MDM2: variants seen among roughly 807,000 people sequenced by gnomAD.
The protein encoded by MDM2 is E3 ubiquitin-protein ligase Mdm2.
Under a neutral mutation model 64.3 loss-of-function variants are expected in MDM2, and 11 were observed. The observed-to-expected ratio is 0.17, with a 90% CI of 0.11 to 0.28. The LOEUF is 0.28. MDM2 is among the 10% of genes least tolerant of loss of function. The pLI, the probability that MDM2 is intolerant of heterozygous loss-of-function variation, is 1.00. For missense variants in MDM2, 388 were observed against 577.1 expected (o/e 0.67, Z 3.36); for synonymous variants, 194 against 192.9 (o/e 1.01, Z -0.05).
chr12:68,841,549 T>C lies in MDM2; in HGVS notation c.*1700T>C. The C allele has an allele frequency of 9.6e-6, 2 of 208,520 alleles. No homozygotes were observed. The highest frequency in any genetic ancestry group is 1.5e-3 in the Middle Eastern group (1 of 650). The allele number at this position is 208,520 out of a possible 1,614,324, so 12.9% of individuals were successfully genotyped here. On this transcript the variant is annotated 3_prime_UTR_variant, in exon 11 of 11. Coordinates refer to ENST00000258149, the MANE Select transcript of MDM2 (RefSeq NM_002392.6). ...GTCTAACCTAGATTACATCAGGCCC[T>C]TTTTCACACACAAAAAAATCCTTTA...
At chr12:68,833,318 A>ATAAATATATATAT in intron 8 of MDM2, among the ~76,000 whole-genome samples, 1 of 95,982 alleles carries the variant, frequency 1.0e-5, no homozygotes, top group Non-Finnish European at 2.2e-5. Flanking sequence ...TAAAAATATA[A>ATAAATATATATAT]TTATATAAAT....
intron 3 of MDM2, among the ~76,000 whole-genome samples, chr12:68,814,219 A>AT (rs1353462933): frequency 2.0e-5 from 3 of 151,894 alleles, no homozygotes; most frequent in Non-Finnish European, 4.4e-5. Flanking sequence ...CGCCTGGCTA[A>AT]TTTTTTGTCT....
At chr12:68,808,560 C>A (rs1219250569) in intron 1 of MDM2, 69 bp downstream of exon 1, 3 of 1,606,350 alleles carry the variant, frequency 1.9e-6, no homozygotes, top group Non-Finnish European at 2.6e-6. Flanking sequence ...ATCGCTGGTT[C>A]CCAGCCTCTG....
chr12:68,835,941 G>A lies in MDM2; in HGVS notation c.797G>A (p.Ser266Asn). Residue 266 changes from serine (S) to asparagine (N), a missense_variant, in exon 9 of 11, where the codon AGC becomes AAC. Coordinates refer to ENST00000258149, the MANE Select transcript of MDM2 (RefSeq NM_002392.6). ...GAATCTCTCGACTCAGAAGATTATA[G>A]CCTTAGTGAAGAAGGACAAGAACTC... Reference protein sequence around the residue: ...EVESLDSEDYSLSEEGQELSD... With the variant: ...EVESLDSEDYNLSEEGQELSD... 1 of 1,612,104 alleles carries A rather than the reference G, an allele frequency of 6.2e-7. No individual in the cohort carries two copies. Among genetic ancestry groups the A allele is most frequent in the Non-Finnish European group, 8.5e-7 (1 of 1,178,806 alleles).
intron 3 of MDM2, 47 bp downstream of exon 3, chr12:68,813,675 C>A: frequency 7.2e-7 from 1 of 1,397,072 alleles, no homozygotes; most frequent in Non-Finnish European, 1.0e-6. Flanking sequence ...TTACATGTAG[C>A]CATACTTAAA....
chr12:68,820,919 A>G (rs897620558), intron 5 of MDM2, among the ~76,000 whole-genome samples: 3 of 152,180 alleles, frequency 2.0e-5, no homozygotes, highest in African/African-American at 4.8e-5. Context: ...GGGTAAGTCA[A>G]TAAGTGTTTT....
downstream of MDM2, chr12:68,850,342 G>A (rs935565879): frequency 1.3e-5 from 2 of 151,594 alleles, no homozygotes; most frequent in African/African-American, 4.8e-5. Flanking sequence ...AATATACCAG[G>A]GAACTTCTGC....
intron 9 of MDM2, 33 bp from the exon 10 acceptor site, chr12:68,836,639 G>A (rs767426126): frequency 1.6e-5 from 23 of 1,454,406 alleles, no homozygotes; most frequent in East Asian, 4.6e-5. Context: ...GAAATAGGGC[G>A]ATGAATTGAT....
chr12:68,809,727 G>A (rs1459550162), intron 2 of MDM2, among the ~76,000 whole-genome samples: 4 of 152,116 alleles, frequency 2.6e-5, no homozygotes, highest in African/African-American at 7.2e-5. Context: ...GATTTTTTGT[G>A]TGCGTACCCA....
downstream of MDM2, chr12:68,845,736 G>C (rs1884241185): frequency 1.2e-5 from 2 of 162,966 alleles, no homozygotes; most frequent in Non-Finnish European, 2.7e-5. Context: ...TATAAAAATA[G>C]CATCTTTCCT....
In MDM2 at chr12:68,839,469, A is replaced by T. The variant is rs562818818; in HGVS notation, c.1114A>T (p.Ile372Leu). ...TGATGTTCCTGATTGTAAAAAAACT[A>T]TAGTGAATGATTCCAGAGAGTCATG... Reference protein sequence around the residue: ...GFDVPDCKKTIVNDSRESCVE... With the variant: ...GFDVPDCKKTLVNDSRESCVE... Residue 372 changes from isoleucine (I) to leucine (L), a missense_variant, in exon 11 of 11, where the codon ATA becomes TTA. Around this residue, in one of 5 missense-constraint regions of MDM2, gnomAD observed 138 missense variants for 143.7 expected, o/e 0.96. Transcript: ENST00000258149. 5.6e-6 allele frequency: 9 copies of T among 1,614,020 alleles called. No individual in the cohort carries two copies. Among genetic ancestry groups the T allele is most frequent in the Non-Finnish European group, 6.8e-6 (8 of 1,180,014 alleles).
intron 10 of MDM2, among the ~76,000 whole-genome samples, chr12:68,836,956 T>A (rs770073233): frequency 2.0e-4 from 9 of 44,832 alleles, no homozygotes; most frequent in African/African-American, 1.0e-3. Flanking sequence ...GAATTTGAAC[T>A]TTTTTTTTTT....
At chr12:68,834,484 C>A (rs1188484750) in intron 8 of MDM2, among the ~76,000 whole-genome samples, 2 of 151,194 alleles carry the variant, frequency 1.3e-5, no homozygotes, top group Non-Finnish European at 2.9e-5. Flanking sequence ...CACCTGTAAT[C>A]CTAACACTTT....
At position 68,839,472 on chromosome 12, in the gene MDM2, G is replaced by C. The variant is rs1883573043; in HGVS notation, c.1117G>C (p.Val373Leu). 1 of 1,613,930 alleles carries C rather than the reference G, an allele frequency of 6.2e-7. No homozygotes were observed. Among genetic ancestry groups the C allele is most frequent in the African/African-American group, 1.3e-5 (1 of 74,988 alleles). ...FDVPDCKKTI[V>L]NDSRESCVEE... Reference sequence around the variant, plus strand: ...TGTTCCTGATTGTAAAAAAACTATAGTGAATGATTCCAGAGAGTCATGTGT... The same window carrying C: ...TGTTCCTGATTGTAAAAAAACTATACTGAATGATTCCAGAGAGTCATGTGT... The change falls in exon 11 of 11, where the codon GTG becomes CTG. Residue 373 changes from valine (V) to leucine (L), a missense_variant. Physicochemically the swap from Val to Leu is conservative, Grantham distance 32 (BLOSUM62 1). Transcript: ENST00000258149.
rs1880554822 is a variant in MDM2 at position 68,808,462 on chromosome 12, A to G, written c.-16A>G. The stretch of plus-strand genomic sequence containing the variant: ...GAGTCTTGAGGGACCCCCGACTCCA[A>G]GCGCGAAAACCCCGGATGGTGAGGA... On this transcript the variant is annotated 5_prime_UTR_variant, in exon 1 of 11. Coordinates refer to ENST00000258149, the MANE Select transcript of MDM2 (RefSeq NM_002392.6). 6.2e-7 allele frequency: 1 copy of G among 1,613,958 alleles called. No homozygotes were observed. The highest frequency in any genetic ancestry group is 1.3e-5 in the African/African-American group (1 of 74,918).
chr12:68,835,459 C>T (rs1354090145), intron 8 of MDM2, among the ~76,000 whole-genome samples: 2 of 152,190 alleles, frequency 1.3e-5, no homozygotes, highest in African/African-American at 4.8e-5. Flanking sequence ...TGAAGACAGA[C>T]GAAGATGTTA....
chr12:68,846,229 A>T (rs1489128629), downstream of MDM2: 6 of 152,144 alleles, frequency 3.9e-5, no homozygotes, highest in African/African-American at 1.5e-4. Flanking sequence ...CTGGGATTAC[A>T]GGCGTGAGCC....
chr12:68,808,629 A>G (rs1880576780), intron 1 of MDM2, 138 bp downstream of exon 1: 6 of 1,111,760 alleles, frequency 5.4e-6, no homozygotes, highest in South Asian at 1.4e-5. Context: ...GGCGCGGGGC[A>G]TGGGGCACGT....
chr12:68,824,169 C>A, intron 5 of MDM2, 194 bp from the exon 6 acceptor site: 1 of 551,828 alleles, frequency 1.8e-6, no homozygotes, highest in Non-Finnish European at 3.2e-6. Flanking sequence ...TACTCTTCTA[C>A]ATTAAAGTTG....
Sources: allele counts gnomAD v4.1 joint callset (sites outside exome capture counted in the v4.1 genomes callset), GRCh38; gene constraint gnomAD v4.1.1; regional missense constraint gnomAD v4.1.1; transcripts MANE v1.5; gene names NCBI Gene and HGNC (gene_info 2026-07-23, HGNC 2026-07-21).